Variants in CSRP2 observed in about 807,000 individuals in gnomAD.
The protein encoded by CSRP2 is cysteine and glycine rich protein 2.
CSRP2 carries 18 observed loss-of-function variants against 24.6 expected under a neutral mutation model. The observed-to-expected ratio is 0.73, with a 90% CI of 0.51 to 1.09. CSRP2 has a LOEUF of 1.09. Ranked by LOEUF, CSRP2 falls within the 50% of genes least tolerant of loss-of-function variation. The pLI is 0.00. For synonymous variants in CSRP2, 87 were observed against 84.3 expected (o/e 1.03, Z -0.18); for missense variants, 215 against 239.4 (o/e 0.90, Z 0.67).
rs748973108 is a variant in CSRP2 at position 76,859,654 on chromosome 12, ATG to A, written c.412-16_412-15del. Reference sequence around the variant, plus strand: ...TTTGTGCCAGGGCTGGAAGAGATGAATGTGTCAGCATGTTTGAGAGGCCTGTT... The same window carrying A: ...TTTGTGCCAGGGCTGGAAGAGATGAATGTCAGCATGTTTGAGAGGCCTGTT... On this transcript the variant is annotated splice_polypyrimidine_tract_variant and intron_variant, in intron 4 of 5. Coordinates refer to ENST00000311083, the MANE Select transcript of CSRP2 (RefSeq NM_001321.3). The A allele has an allele frequency of 5.6e-6, 9 of 1,595,724 alleles. 1 individual carries two copies. In the African/African-American group the frequency reaches 1.2e-4, roughly 21 times the overall value.
At position 76,860,273 on chromosome 12, in the gene CSRP2, T is replaced by C. The variant is rs745329477; in HGVS notation, c.411+11A>G. On this transcript the variant is annotated intron_variant, in intron 4 of 5. Transcript: ENST00000311083. ...GTCATTTGCTGTTATTAATTCCAAA[T>C]AGCACTTTACCTTTCCAGCTCCAAT... 1.2e-6 allele frequency: 2 copies of C among 1,612,348 alleles called. No homozygotes were observed. The highest frequency in any genetic ancestry group is 2.2e-5 in the South Asian group (2 of 90,966).
chr12:76,875,437 T>C (rs1032550793), intron 1 of CSRP2, among the ~76,000 whole-genome samples: 20 of 152,208 alleles, frequency 1.3e-4, no homozygotes, highest in Non-Finnish European at 2.4e-4. Flanking sequence ...AAATCCCATA[T>C]TGTAATTAAA....
intron 2 of CSRP2, 41 bp downstream of exon 2, chr12:76,866,108 A>C (rs781318495): frequency 1.3e-6 from 2 of 1,486,754 alleles, no homozygotes; most frequent in African/African-American, 2.8e-5. Context: ...AGCTCTGTAC[A>C]TACAAATTCC....
rs577188425 is a variant in CSRP2, at chr12:76,874,198, G to A, written c.-2+4740C>T. Among the ~76,000 whole-genome samples the A allele has an allele frequency of 6.6e-5, 10 of 152,330 alleles. No individual in the cohort carries two copies. In the South Asian group the frequency reaches 8.3e-4, roughly 13 times the overall value. On this transcript the variant is annotated intron_variant, in intron 1 of 5. Transcript: ENST00000311083. Reference sequence around the variant, plus strand: ...ACTGAGAGTGGATTCCTGGAACTACGTTGAGAAAGATTCTGAAATTCAGTC... The same window carrying A: ...ACTGAGAGTGGATTCCTGGAACTACATTGAGAAAGATTCTGAAATTCAGTC...
At chr12:76,863,639 T>A (rs769646683) in intron 2 of CSRP2, 5 of 278,764 alleles carry the variant, frequency 1.8e-5, no homozygotes, top group Non-Finnish European at 3.3e-5. Flanking sequence ...TTATTCCCTT[T>A]CCTGTGGTGC....
intron 3 of CSRP2, chr12:76,861,050 C>A (rs1953671616): frequency 6.6e-6 from 1 of 152,068 alleles, no homozygotes; most frequent in African/African-American, 2.4e-5. Flanking sequence ...GTATTTTTGT[C>A]ACTATTTACA....
intron 1 of CSRP2, among the ~76,000 whole-genome samples, chr12:76,873,818 A>G (rs1220941999): frequency 1.3e-5 from 2 of 152,098 alleles, no homozygotes; most frequent in African/African-American, 4.8e-5. Flanking sequence ...CCTCCCCATC[A>G]AGGCAACTGC....
intron 1 of CSRP2, among the ~76,000 whole-genome samples, chr12:76,873,526 A>C (rs1189778906): frequency 6.6e-6 from 1 of 152,132 alleles, no homozygotes; most frequent in East Asian, 1.9e-4. Context: ...CTGAAGCCAA[A>C]TCCTCAACCT....
intron 1 of CSRP2, among the ~76,000 whole-genome samples, chr12:76,874,588 G>GT (rs1565830178): frequency 6.6e-6 from 1 of 152,170 alleles, no homozygotes; most frequent in Admixed American, 6.5e-5. Context: ...AGTTCAGTCC[G>GT]TTAGGTCAAG....
chr12:76,870,868 G>C (rs1242998838), intron 1 of CSRP2, among the ~76,000 whole-genome samples: 2 of 151,392 alleles, frequency 1.3e-5, no homozygotes, highest in African/African-American at 2.4e-5. Flanking sequence ...AGCTACTTGG[G>C]AGGCTGAAGT....
At chr12:76,864,327 G>A (rs921859221) in intron 2 of CSRP2, 5 of 152,158 alleles carry the variant, frequency 3.3e-5, no homozygotes, top group African/African-American at 1.2e-4. Flanking sequence ...GTTACCAGAA[G>A]CTCGGAAGGG....
At chr12:76,873,932 G>A (rs570441135) in intron 1 of CSRP2, among the ~76,000 whole-genome samples, 1 of 152,270 alleles carries the variant, frequency 6.6e-6, no homozygotes, top group African/African-American at 2.4e-5. Context: ...TGTTTATGAA[G>A]CTCTCATATA....
Position 76,863,218 on chromosome 12 carries a change from A to C in CSRP2, c.239T>G (p.Leu80Arg). ...CAGCCTCTCGCCACGGTCCATGTTAAGCGTGCCAGCGCCCTGGCCATAACC... is the reference window on the plus strand; with the variant it reads ...CAGCCTCTCGCCACGGTCCATGTTACGCGTGCCAGCGCCCTGGCCATAACC... ...GYGYGQGAGT[L>R]NMDRGERLGI... The change falls in exon 3 of 6, where the codon CTT (leucine) becomes CGT (arginine). Residue 80 changes from leucine to arginine, a missense_variant. By Grantham distance (102) the Leu-to-Arg change is moderately radical (BLOSUM62 -2). Transcript: ENST00000311083. 1 of 1,614,210 alleles carries C rather than the reference A, an allele frequency of 6.2e-7. No individual in the cohort carries two copies. The highest frequency in any genetic ancestry group is 8.5e-7 in the Non-Finnish European group (1 of 1,180,036).
intron 2 of CSRP2, among the ~76,000 whole-genome samples, chr12:76,865,165 G>A (rs543872589): frequency 3.3e-5 from 5 of 152,298 alleles, no homozygotes; most frequent in Admixed American, 6.5e-5. Flanking sequence ...CAGCATACAC[G>A]CATATGTTAC....
rs752307470 is a variant in CSRP2, at chr12:76,860,451, C to T, written c.282-38G>A. Reference sequence around the variant, plus strand: ...GGAAAAAAAAAGTAGGCAAGAGTTTCCACAGGGCCCTTTTAAGTACACAAG... The same window carrying T: ...GGAAAAAAAAAGTAGGCAAGAGTTTTCACAGGGCCCTTTTAAGTACACAAG... On this transcript the variant is annotated intron_variant, in intron 3 of 5. Transcript: ENST00000311083. 1.9e-6 allele frequency: 3 copies of T among 1,607,538 alleles called. No individual in the cohort carries two copies. The Admixed American group carries it at 5.0e-5, about 27-fold the overall frequency.
At chr12:76,868,114 G>T (rs569640304) in intron 1 of CSRP2, among the ~76,000 whole-genome samples, 2 of 152,296 alleles carry the variant, frequency 1.3e-5, no homozygotes, top group South Asian at 4.1e-4. Context: ...TCCTGGTGAT[G>T]GATGGGCCAC....
intron 2 of CSRP2, 57 bp from the exon 3 acceptor site, chr12:76,863,401 A>G: frequency 6.4e-7 from 1 of 1,557,584 alleles, no homozygotes; most frequent in Admixed American, 1.7e-5. Context: ...TTTCCTTAGA[A>G]CAATGGTGGC....
intron 4 of CSRP2, 113 bp from the exon 5 acceptor site, chr12:76,859,753 C>T: frequency 1.4e-6 from 1 of 717,398 alleles, no homozygotes; most frequent in South Asian, 2.0e-5. Context: ...CTCCTGACTT[C>T]TGTGGTTCAG....
At position 76,869,529 on chromosome 12, in the gene CSRP2, A is replaced by AACACACACACACACAC. The variant is rs57542492; in HGVS notation, c.-1-3284_-1-3269dup. Among the ~76,000 whole-genome samples, 1,154 of 135,378 alleles carry AACACACACACACACAC rather than the reference A, an allele frequency of 8.5e-3. 10 individuals carry two copies. The highest frequency in any genetic ancestry group is 0.018 in the East Asian group (77 of 4,388). The allele number at this position is 135,378 out of a possible 152,430, so 88.8% of individuals were successfully genotyped here. On this transcript the variant is annotated intron_variant, in intron 1 of 5. Transcript: ENST00000311083. ...GGAGCTCCTGTTCCTTAAAACAAAC[A>AACACACACACACACAC]ACACACACACACACACACACACACA...
Sources: gnomAD v4.1 joint callset for allele counts (sites outside exome capture counted in the v4.1 genomes callset) on GRCh38, gnomAD v4.1.1 for gene constraint, MANE v1.5 for transcripts, NCBI Gene and HGNC (gene_info 2026-07-23, HGNC 2026-07-21) for gene names.